Variants in SNTG1 observed in about 807,000 individuals in gnomAD.
SNTG1 encodes the protein gamma-1-syntrophin.
SNTG1 carries 39 observed loss-of-function variants against 74.7 expected under a neutral mutation model. The ratio of observed to expected loss-of-function variants is 0.52; its 90% confidence interval spans 0.40 to 0.68. The LOEUF is 0.68. SNTG1 is among the 30% of genes least tolerant of loss of function. The pLI, the probability that SNTG1 is intolerant of heterozygous loss-of-function variation, is 0.00. For synonymous variants in SNTG1, 254 were observed against 217.1 expected (o/e 1.17, Z -1.49); for missense variants, 685 against 609.5 (o/e 1.12, Z -1.30).
intron 13 of SNTG1, among the ~76,000 whole-genome samples, chr8:50,619,161 T>C (rs890060374): frequency 7.9e-5 from 12 of 152,204 alleles, no homozygotes; most frequent in Non-Finnish European, 1.3e-4. Context: ...ATTAGAGCAC[T>C]ATGCTGAATA....
At position 50,007,276 on chromosome 8, in the gene SNTG1, G is replaced by A. The variant is rs536562143; in HGVS notation, c.-103+95045G>A. Among the ~76,000 whole-genome samples the A allele has an allele frequency of 2.6e-5, 4 of 152,200 alleles. No individual in the cohort carries two copies. In the South Asian group the frequency reaches 8.3e-4, roughly 31 times the overall value. ...GGATAATATGACATCCTACTTCTGG[G>A]CTGCTCCTCCAGTTCTGGCCCCTAC... On this transcript the variant is annotated intron_variant, in intron 1 of 18. Coordinates refer to ENST00000642720, the MANE Select transcript of SNTG1 (RefSeq NM_018967.5).
intron 15 of SNTG1, among the ~76,000 whole-genome samples, chr8:50,689,193 C>A (rs899592810): frequency 6.6e-6 from 1 of 152,084 alleles, no homozygotes; most frequent in Non-Finnish European, 1.5e-5. Flanking sequence ...CTGTAGTCTG[C>A]AAACAGGGAC....
chr8:50,286,998 A>T (rs1320455370), intron 2 of SNTG1: 1 of 152,140 alleles, frequency 6.6e-6, no homozygotes, highest in East Asian at 1.9e-4. Context: ...CTGTCTAAAA[A>T]TTATTTTTTC....
intron 8 of SNTG1, among the ~76,000 whole-genome samples, chr8:50,475,172 G>T (rs189954109): frequency 6.6e-6 from 1 of 151,438 alleles, no homozygotes; most frequent in Non-Finnish European, 1.5e-5. Context: ...GCACATGTAT[G>T]CATATGTAAC....
chr8:50,330,262 G>A (rs1406137407), intron 2 of SNTG1, among the ~76,000 whole-genome samples: 1 of 152,074 alleles, frequency 6.6e-6, no homozygotes, highest in Admixed American at 6.6e-5. Context: ...GCTGCCACAT[G>A]AGAAAGGATC....
intron 2 of SNTG1, among the ~76,000 whole-genome samples, chr8:50,283,287 G>A (rs529493196): frequency 6.6e-6 from 1 of 152,198 alleles, no homozygotes; most frequent in Admixed American, 6.5e-5. Flanking sequence ...CTAGTTCAAC[G>A]GGATGGTTTT....
intron 2 of SNTG1, among the ~76,000 whole-genome samples, chr8:50,309,425 GT>G: frequency 6.6e-6 from 1 of 151,896 alleles, no homozygotes; most frequent in South Asian, 2.1e-4. Flanking sequence ...AAGTCAGATG[GT>G]TTTGATTCCT....
intron 2 of SNTG1, among the ~76,000 whole-genome samples, chr8:50,358,710 G>T (rs373577415): frequency 6.6e-6 from 1 of 152,076 alleles, no homozygotes; most frequent in Non-Finnish European, 1.5e-5. Context: ...ACAGTACAGG[G>T]ATTAATGCTG....
chr8:50,216,444 A>G (rs180689665), intron 2 of SNTG1, among the ~76,000 whole-genome samples: 5 of 152,288 alleles, frequency 3.3e-5, no homozygotes, highest in African/African-American at 9.6e-5. Flanking sequence ...AGGTTGTTAT[A>G]AGAGTCTGGC....
At position 50,178,717 on chromosome 8, in the gene SNTG1, GTTCT is replaced by G. The variant is rs2083092899; in HGVS notation, c.-28+6085_-28+6088del. Among the ~76,000 whole-genome samples the G allele has an allele frequency of 2.6e-5, 4 of 151,812 alleles. No individual in the cohort carries two copies. In the South Asian group the frequency reaches 8.3e-4, roughly 32 times the overall value. On this transcript the variant is annotated intron_variant, in intron 2 of 18. Coordinates refer to ENST00000642720, the MANE Select transcript of SNTG1 (RefSeq NM_018967.5). ...TATGCATGTTCTGTTCATTATTTTT[GTTCT>G]TTATCATATCGAGATATATATTTGC... is the stretch of plus-strand genomic sequence containing the variant.
At chr8:50,687,460 G>T (rs537885590) in intron 15 of SNTG1, among the ~76,000 whole-genome samples, 44 of 152,302 alleles carry the variant, frequency 2.9e-4, no homozygotes, top group South Asian at 1.2e-3. Flanking sequence ...CATGCAAATA[G>T]AAATTAAACA....
chr8:50,726,433 C>A (rs1338768924), intron 17 of SNTG1, among the ~76,000 whole-genome samples: 1 of 152,046 alleles, frequency 6.6e-6, no homozygotes, highest in Non-Finnish European at 1.5e-5. Context: ...CAAGTGGGGC[C>A]CCTCAGGCAG....
chr8:50,538,545 A>G (rs1399875506), intron 11 of SNTG1, among the ~76,000 whole-genome samples: 5 of 152,140 alleles, frequency 3.3e-5, no homozygotes, highest in Non-Finnish European at 7.4e-5. Context: ...ACTGTCATTC[A>G]AATCAGTGTC....
At chr8:50,197,791 C>T (rs554074249) in intron 2 of SNTG1, among the ~76,000 whole-genome samples, 1 of 152,094 alleles carries the variant, frequency 6.6e-6, no homozygotes, top group Non-Finnish European at 1.5e-5. Context: ...TATCATTTTT[C>T]CCTAGTAGTA....
chr8:50,216,995 G>A (rs2084820138), intron 2 of SNTG1, among the ~76,000 whole-genome samples: 1 of 150,878 alleles, frequency 6.6e-6, no homozygotes, highest in East Asian at 1.9e-4. Flanking sequence ...GCAATTCAAG[G>A]GTAAATTTAT....
chr8:50,324,151 G>T (rs999067297), intron 2 of SNTG1, among the ~76,000 whole-genome samples: 1 of 152,164 alleles, frequency 6.6e-6, no homozygotes, highest in African/African-American at 2.4e-5. Flanking sequence ...CTGCTGGGAT[G>T]GGCCATTCCT....
chr8:50,625,425 A>G (rs1176231831), intron 13 of SNTG1, among the ~76,000 whole-genome samples: 4 of 152,200 alleles, frequency 2.6e-5, no homozygotes, highest in African/African-American at 9.7e-5. Context: ...AGTCATGGGT[A>G]TACTGATCAA....
chr8:50,282,928 A>C (rs2088559439), intron 2 of SNTG1, among the ~76,000 whole-genome samples: 1 of 152,232 alleles, frequency 6.6e-6, no homozygotes, highest in East Asian at 1.9e-4. Flanking sequence ...GAACTCATGC[A>C]AATAACCATA....
chr8:50,668,629 G>A (rs535143345), intron 15 of SNTG1, among the ~76,000 whole-genome samples: 1 of 151,492 alleles, frequency 6.6e-6, no homozygotes, highest in Admixed American at 6.6e-5. Context: ...CTATCGACCT[G>A]TCCTCTAAGG....
Sources: gnomAD v4.1 joint callset for allele counts (sites outside exome capture counted in the v4.1 genomes callset) on GRCh38, gnomAD v4.1.1 for gene constraint, MANE v1.5 for transcripts, NCBI Gene and HGNC (gene_info 2026-07-23, HGNC 2026-07-21) for gene names.